The following ANTXR1 variants were observed in gnomAD, a reference collection of about 807,000 sequenced individuals.
ANTXR1 encodes the protein ANTXR cell adhesion molecule 1, also known as anthrax toxin receptor 1.
ANTXR1 carries 19 observed loss-of-function variants against 78.1 expected under a neutral mutation model. That is an observed-to-expected ratio of 0.24 (90% CI 0.17 to 0.36). The LOEUF is 0.36. ANTXR1 is among the 10% of genes least tolerant of loss of function. The pLI, the probability that ANTXR1 is intolerant of heterozygous loss-of-function variation, is 1.00. For synonymous variants in ANTXR1, 273 were observed against 260.5 expected (o/e 1.05, Z -0.46); for missense variants, 518 against 718.6 (o/e 0.72, Z 3.19).
At chr2:69,163,413 A>G (rs1321867154) in intron 13 of ANTXR1, among the ~76,000 whole-genome samples, 1 of 152,066 alleles carries the variant, frequency 6.6e-6, no homozygotes, top group African/African-American at 2.4e-5. Flanking sequence ...ACTCCATCAC[A>G]CATGCCTCTA....
At chr2:69,195,629 A>G (rs1379705399) in intron 17 of ANTXR1, among the ~76,000 whole-genome samples, 1 of 152,210 alleles carries the variant, frequency 6.6e-6, no homozygotes, top group East Asian at 1.9e-4. Context: ...TTTAAATACA[A>G]ACTCTACAGT....
chr2:69,122,868 G>A (rs1431221108), intron 10 of ANTXR1, 149 bp from the exon 11 acceptor site: 2 of 791,002 alleles, frequency 2.5e-6, no homozygotes, highest in Non-Finnish European at 2.2e-6. Flanking sequence ...CCTTGCGATA[G>A]TTTGCTGTAC....
At chr2:69,105,168 T>C (rs906865308) in intron 10 of ANTXR1, among the ~76,000 whole-genome samples, 5 of 152,240 alleles carry the variant, frequency 3.3e-5, no homozygotes, top group Non-Finnish European at 5.9e-5. Context: ...CCAACTTCTT[T>C]GGGAAATTTT....
At chr2:69,243,640 A>C (rs1675942058) in intron 17 of ANTXR1, among the ~76,000 whole-genome samples, 1 of 152,110 alleles carries the variant, frequency 6.6e-6, no homozygotes, top group Admixed American at 6.5e-5. Flanking sequence ...GAGCTAATTT[A>C]AGCAGCAATT....
intron 9 of ANTXR1, among the ~76,000 whole-genome samples, chr2:69,099,227 T>C (rs1671529714): frequency 6.6e-6 from 1 of 152,226 alleles, no homozygotes; most frequent in African/African-American, 2.4e-5. Flanking sequence ...CTTTTGTGTC[T>C]TGCTTCTTTT....
chr2:69,101,064 T>G (rs566305851), intron 9 of ANTXR1, among the ~76,000 whole-genome samples: 6 of 152,296 alleles, frequency 3.9e-5, no homozygotes, highest in African/African-American at 1.4e-4. Flanking sequence ...AATGTCACAG[T>G]CTCCATTTCC....
Position 69,075,642 on chromosome 2 carries a change from A to C in ANTXR1, c.545A>C (p.Asp182Ala). 1 of 1,614,116 alleles carries C rather than the reference A, an allele frequency of 6.2e-7. No homozygotes were observed. The highest frequency in any genetic ancestry group is 8.5e-7 in the Non-Finnish European group (1 of 1,179,972). Reference protein sequence around the residue: ...GAIVYCVGVKDFNETQLARIA... With the variant: ...GAIVYCVGVKAFNETQLARIA... ...ATTGTTTACTGTGTTGGTGTGAAAGATTTCAATGAGACACAGGTATGGTAA... is the reference window on the plus strand; with the variant it reads ...ATTGTTTACTGTGTTGGTGTGAAAGCTTTCAATGAGACACAGGTATGGTAA... The change falls in exon 7 of 18, where the codon GAT becomes GCT. Residue 182 changes from aspartate to alanine, a missense_variant. Transcript: ENST00000303714.
chr2:69,194,451 C>G (rs575046282), intron 17 of ANTXR1, among the ~76,000 whole-genome samples: 1 of 152,374 alleles, frequency 6.6e-6, no homozygotes, highest in East Asian at 1.9e-4. Context: ...ATCACCTGAC[C>G]TCTCTGAACT....
At chr2:69,031,150 TG>T in intron 1 of ANTXR1, among the ~76,000 whole-genome samples, 1 of 152,226 alleles carries the variant, frequency 6.6e-6, no homozygotes, top group East Asian at 1.9e-4. Flanking sequence ...TGCCCACCCC[TG>T]GACTAAGAAA....
intron 1 of ANTXR1, among the ~76,000 whole-genome samples, chr2:69,028,116 G>A (rs1160536959): frequency 6.6e-6 from 1 of 152,110 alleles, no homozygotes; most frequent in Non-Finnish European, 1.5e-5. Context: ...GAAAAAAATA[G>A]CTATTCAAAG....
intron 17 of ANTXR1, among the ~76,000 whole-genome samples, chr2:69,209,301 T>C (rs933114162): frequency 3.3e-5 from 5 of 152,250 alleles, no homozygotes; most frequent in Non-Finnish European, 7.3e-5. Flanking sequence ...GAGAGCCATA[T>C]AATTTACAAT....
In ANTXR1 at chr2:69,231,394, C is replaced by T. The variant is rs968355993; in HGVS notation, c.1435-13831C>T. Among the ~76,000 whole-genome samples the T allele has an allele frequency of 2.6e-4, 40 of 152,036 alleles. 1 individual carries two copies. Among genetic ancestry groups the T allele is most frequent in the African/African-American group, 9.7e-4 (40 of 41,448 alleles). On this transcript the variant is annotated intron_variant, in intron 17 of 17. Transcript: ENST00000303714. ...GACTAAAGCACAGATCGGGATCCTT[C>T]GCAGCAACTTTAGGAAGGGTGCCAA...
rs1021577625 is a variant in ANTXR1 at position 69,208,040 on chromosome 2, A to G, written c.1434+14625A>G. Among the ~76,000 whole-genome samples, 8 of 152,222 alleles carry G rather than the reference A, an allele frequency of 5.3e-5. No homozygotes were observed. The South Asian group carries it at 6.2e-4, about 12-fold the overall frequency. On this transcript the variant is annotated intron_variant, in intron 17 of 17. Transcript: ENST00000303714. ...GAAAACCAATTAGGAAAGGGTAGGTATATGTAAAATAGATAAAGGGTGGGA... is the reference window on the plus strand; with the variant it reads ...GAAAACCAATTAGGAAAGGGTAGGTGTATGTAAAATAGATAAAGGGTGGGA...
chr2:69,221,475 G>A lies in ANTXR1; in HGVS notation c.1435-23750G>A, dbSNP rs80203368. 2.4e-4 allele frequency among the ~76,000 whole-genome samples: 37 copies of A among 152,240 alleles called. No homozygotes were observed. The East Asian group carries it at 5.4e-3, about 22-fold the overall frequency. ...ATCTAAGAATAAAGTAAAAATAAAA[G>A]AGACTCAGTAGCATCTTAGTTCTGA... On this transcript the variant is annotated intron_variant, in intron 17 of 17. Transcript: ENST00000303714.
chr2:69,242,523 T>G (rs996714713), intron 17 of ANTXR1, among the ~76,000 whole-genome samples: 3 of 152,166 alleles, frequency 2.0e-5, no homozygotes, highest in Non-Finnish European at 4.4e-5. Flanking sequence ...AGCTTCCGGA[T>G]TCATTAATTA....
intron 17 of ANTXR1, among the ~76,000 whole-genome samples, chr2:69,198,897 G>A (rs996798010): frequency 6.6e-6 from 1 of 152,168 alleles, no homozygotes; most frequent in Non-Finnish European, 1.5e-5. Flanking sequence ...TATCTTGAAT[G>A]CCTTGAAGTG....
chr2:69,025,351 A>T (rs1410937137), intron 1 of ANTXR1, among the ~76,000 whole-genome samples: 1 of 152,144 alleles, frequency 6.6e-6, no homozygotes, highest in Non-Finnish European at 1.5e-5. Context: ...CAAGCAGTGG[A>T]GTGGTCCATT....
intron 3 of ANTXR1, among the ~76,000 whole-genome samples, chr2:69,070,411 C>G (rs553088373): frequency 6.6e-6 from 1 of 152,260 alleles, no homozygotes; most frequent in African/African-American, 2.4e-5. Flanking sequence ...TGTTTACAAG[C>G]AGATGGAGAG....
chr2:69,144,352 A>C (rs1178555299), intron 12 of ANTXR1, among the ~76,000 whole-genome samples: 3 of 152,112 alleles, frequency 2.0e-5, no homozygotes, highest in African/African-American at 7.2e-5. Context: ...TCTCACCAGG[A>C]TTGAGTCTTT....
Sources: gnomAD v4.1 joint callset for allele counts (sites outside exome capture counted in the v4.1 genomes callset) on GRCh38, gnomAD v4.1.1 for gene constraint, MANE v1.5 for transcripts, NCBI Gene and HGNC (gene_info 2026-07-23, HGNC 2026-07-21) for gene names.